Variants in ZNF577 observed in about 807,000 individuals in gnomAD.
ZNF577 encodes the protein zinc finger protein 577.
Under a neutral mutation model 13.9 loss-of-function variants are expected in ZNF577, and 14 were observed. The observed-to-expected ratio is 1.00, with a 90% CI of 0.66 to 1.57. The LOEUF is 1.57. Ranked by LOEUF, ZNF577 falls within the 40% of genes most tolerant of loss-of-function variation. The pLI, the probability that ZNF577 is intolerant of heterozygous loss-of-function variation, is 0.00. For missense variants in ZNF577, 555 were observed against 579.2 expected (o/e 0.96, Z 0.43); for synonymous variants, 203 against 202.9 (o/e 1.00, Z 0.00).
At chr19:51,864,450 G>A (rs2084537586), downstream of ZNF577, among the ~76,000 whole-genome samples, 2 of 152,056 alleles carry the variant, frequency 1.3e-5, no homozygotes, top group African/African-American at 4.8e-5. Context: ...AATTCATTAA[G>A]GGTATTATGT....
chr19:51,840,300 A>C (rs1221006250), intron 8 of ZNF577, among the ~76,000 whole-genome samples: 1 of 152,160 alleles, frequency 6.6e-6, no homozygotes, highest in African/African-American at 2.4e-5. Flanking sequence ...GGCTGCACCT[A>C]TTTAGCCCCA....
At chr19:51,860,579 A>G (rs2084486517) in intron 5 of ZNF577, 1 of 154,008 alleles carries the variant, frequency 6.5e-6, no homozygotes, top group African/African-American at 2.4e-5. Context: ...TTTGTGGCCA[A>G]TGGCCAAGTT....
In ZNF577 at chr19:51,824,688, A is replaced by AT. The variant is rs1380225658; in HGVS notation, c.*600-13015dup. On this transcript the variant is annotated intron_variant and NMD_transcript_variant, in intron 9 of 10. Transcript: ENST00000638827. The surrounding 1 kb of genome is among the most constrained non-coding windows in gnomAD (Gnocchi z 4.7). ...GGGTCGTAACTTCCAAGAAAGACTG[A>AT]TTCGCTCTTTGCCCACTAGTTTGGA... is the stretch of plus-strand genomic sequence containing the variant. 1 of 1,613,982 alleles carries AT rather than the reference A, an allele frequency of 6.2e-7. No individual in the cohort carries two copies. Among genetic ancestry groups the AT allele is most frequent in the Non-Finnish European group, 8.5e-7 (1 of 1,180,002 alleles).
downstream of ZNF577, among the ~76,000 whole-genome samples, chr19:51,864,990 A>G (rs1312040151): frequency 1.3e-5 from 2 of 152,252 alleles, no homozygotes; most frequent in Non-Finnish European, 2.9e-5. Context: ...GTGGGAAGCA[A>G]GATAAAATGA....
chr19:51,818,524 A>G (rs1299735624), intron 9 of ZNF577, among the ~76,000 whole-genome samples: 1 of 152,246 alleles, frequency 6.6e-6, no homozygotes, highest in Non-Finnish European at 1.5e-5. Context: ...TAAGAAAAGC[A>G]TCTGGTGACA....
intron 1 of ZNF577, among the ~76,000 whole-genome samples, chr19:51,884,430 T>C (rs1040914823): frequency 1.4e-4 from 22 of 152,102 alleles, no homozygotes; most frequent in African/African-American, 5.3e-4. Flanking sequence ...GACAGATGAA[T>C]ATGAATTGAT....
intron 9 of ZNF577, among the ~76,000 whole-genome samples, chr19:51,826,373 C>A (rs1374178712): frequency 1.3e-5 from 2 of 152,186 alleles, no homozygotes; most frequent in Non-Finnish European, 2.9e-5. Flanking sequence ...GGTATTATAT[C>A]TTTGTTAAAC....
chr19:51,873,755 T>TTA, intron 5 of ZNF577, 49 bp from the exon 6 acceptor site: 1 of 1,388,528 alleles, frequency 7.2e-7, no homozygotes, highest in East Asian at 2.3e-5. Flanking sequence ...TTATTGTGTC[T>TTA]TTACATTAAA....
At chr19:51,822,790 G>A (rs2122493444) in intron 9 of ZNF577, among the ~76,000 whole-genome samples, 1 of 152,250 alleles carries the variant, frequency 6.6e-6, no homozygotes, top group Non-Finnish European at 1.5e-5. Flanking sequence ...AAAGCAGACG[G>A]GAGAAAGTAA....
At chr19:51,856,643 T>C (rs1042446775) in intron 5 of ZNF577, among the ~76,000 whole-genome samples, 3 of 152,240 alleles carry the variant, frequency 2.0e-5, no homozygotes, top group Admixed American at 1.3e-4. Flanking sequence ...AATAACCAGA[T>C]TCTCTGAAGA....
intron 10 of ZNF577, among the ~76,000 whole-genome samples, chr19:51,809,193 T>C (rs1333165520): frequency 3.3e-5 from 5 of 152,234 alleles, no homozygotes; most frequent in African/African-American, 1.2e-4. Context: ...ACCCCATAAA[T>C]TGATAGCTAT....
intron 9 of ZNF577, among the ~76,000 whole-genome samples, chr19:51,822,582 T>C (rs2084198486): frequency 6.6e-6 from 1 of 152,202 alleles, no homozygotes; most frequent in African/African-American, 2.4e-5. Context: ...CTCTCAACAT[T>C]GAGTCATTCC....
At chr19:51,882,027 G>A (rs1175275317) in intron 1 of ZNF577, among the ~76,000 whole-genome samples, 2 of 152,154 alleles carry the variant, frequency 1.3e-5, no homozygotes, top group Admixed American at 6.5e-5. Flanking sequence ...TGGTCAAGAT[G>A]CAAACCTCCT....
chr19:51,852,080 C>T (rs10409522), intron 5 of ZNF577, among the ~76,000 whole-genome samples: 57,432 of 152,088 alleles, frequency 0.38, 11,970 homozygotes, highest in African/African-American at 0.55. Context: ...CCGCTTCCAC[C>T]CACTGGCCTG....
chr19:51,850,331 G>A (rs1181979725), intron 5 of ZNF577, among the ~76,000 whole-genome samples: 2 of 152,214 alleles, frequency 1.3e-5, no homozygotes, highest in Non-Finnish European at 2.9e-5. Flanking sequence ...TCACCCATGT[G>A]GATAGTCAAT....
intron 5 of ZNF577, among the ~76,000 whole-genome samples, chr19:51,856,559 T>G (rs1406374776): frequency 6.6e-6 from 1 of 152,222 alleles, no homozygotes; most frequent in Non-Finnish European, 1.5e-5. Flanking sequence ...GTCATACAAA[T>G]CCTTTAATTA....
Position 51,869,120 on chromosome 19 carries a change from G to C in ZNF577, c.*3412C>G, listed in dbSNP as rs762876179. Among the ~76,000 whole-genome samples the C allele has an allele frequency of 6.6e-6, 1 of 152,130 alleles. No individual in the cohort carries two copies. The highest frequency in any genetic ancestry group is 1.5e-5 in the Non-Finnish European group (1 of 68,022). On this transcript the variant is annotated 3_prime_UTR_variant, in exon 6 of 6. Coordinates refer to ENST00000638348, the MANE Select transcript of ZNF577 (RefSeq NM_001370449.1). ...GAAAGACCTGACCGTCCCCAAGCCC[G>C]ATACCCATAAAGGGTCTGTGCTGAG...
intron 4 of ZNF577, 70 bp from the exon 5 acceptor site, chr19:51,877,447 G>T: frequency 7.7e-7 from 1 of 1,295,144 alleles, no homozygotes; most frequent in Non-Finnish European, 1.1e-6. Flanking sequence ...AGAGGGTTAT[G>T]TCTCAGGAAC....
At chr19:51,844,716 T>C (rs1339209192) in intron 6 of ZNF577, 1 of 152,218 alleles carries the variant, frequency 6.6e-6, no homozygotes. Flanking sequence ...TATATGGTTA[T>C]AAACTTCTAA....
Sources: gnomAD v4.1 joint callset for allele counts (sites outside exome capture counted in the v4.1 genomes callset) on GRCh38, gnomAD v4.1.1 for gene constraint, Gnocchi (gnomAD v3.1) non-coding constraint, MANE v1.5 for transcripts, NCBI Gene and HGNC (gene_info 2026-07-23, HGNC 2026-07-21) for gene names.